Variants in GAS7 observed in about 807,000 individuals in gnomAD.
GAS7 encodes growth arrest specific 7.
A neutral mutation model predicts 71.1 loss-of-function variants in GAS7; 28 were observed. That is an observed-to-expected ratio of 0.39 (90% CI 0.29 to 0.54). GAS7 has a LOEUF of 0.54. Among genes scored for constraint, GAS7 ranks in the 20% least tolerant of loss-of-function variants. The pLI is 0.62. For missense variants in GAS7, 436 were observed against 627.8 expected (o/e 0.69, Z 3.27); for synonymous variants, 258 against 245.8 (o/e 1.05, Z -0.46).
chr17:9,928,163 A>C (rs2068080881), intron 9 of GAS7, among the ~76,000 whole-genome samples: 1 of 151,248 alleles, frequency 6.6e-6, no homozygotes, highest in South Asian at 2.1e-4. Context: ...CCCAGGCTGG[A>C]GTGCAGCGAC....
intron 2 of GAS7, among the ~76,000 whole-genome samples, chr17:9,988,927 C>T (rs1441947489): frequency 6.6e-6 from 1 of 150,912 alleles, no homozygotes; most frequent in Non-Finnish European, 1.5e-5. Flanking sequence ...CAGCTCACTG[C>T]AAGCTCCGCC....
intron 11 of GAS7, among the ~76,000 whole-genome samples, chr17:9,922,952 A>C (rs1377739842): frequency 6.6e-6 from 1 of 152,198 alleles, no homozygotes; most frequent in Admixed American, 6.5e-5. Flanking sequence ...TCTCTTGCCC[A>C]GGCTGGAGTG....
At chr17:9,927,285 C>CTACA (rs1216733548) in intron 9 of GAS7, among the ~76,000 whole-genome samples, 14 of 84,978 alleles carry the variant, frequency 1.6e-4, no homozygotes, top group African/African-American at 5.1e-4. Flanking sequence ...CCCATCTCTA[C>CTACA]TACATACACA....
At chr17:10,051,372 C>T (rs1164208357) in intron 1 of GAS7, among the ~76,000 whole-genome samples, 2 of 152,166 alleles carry the variant, frequency 1.3e-5, no homozygotes, top group East Asian at 3.8e-4. Context: ...ATAAACTGAG[C>T]TGACTGAAGG....
chr17:10,047,458 C>A (rs1043442530), intron 1 of GAS7, among the ~76,000 whole-genome samples: 1 of 152,084 alleles, frequency 6.6e-6, no homozygotes, highest in Non-Finnish European at 1.5e-5. Context: ...TAGTGACAGT[C>A]GATACTTTCT....
Position 9,915,702 on chromosome 17 carries a change from G to T in GAS7, c.*1526C>A. 1 of 230,146 alleles carries T rather than the reference G, an allele frequency of 4.3e-6. No individual in the cohort carries two copies. The highest frequency in any genetic ancestry group is 8.6e-6 in the Non-Finnish European group (1 of 116,076). The allele number at this position is 230,146 out of a possible 1,614,324, so 14.3% of individuals were successfully genotyped here. A position where few individuals can be genotyped will look rare whatever the true frequency, so the allele number is the denominator to read the frequency against. ...CAGTGAGTTGTGCTTGTTGAATTCT[G>T]CCCTCACTGCAGATGTGCAGGTCAA... On this transcript the variant is annotated 3_prime_UTR_variant, in exon 14 of 14. Coordinates refer to ENST00000432992, the MANE Select transcript of GAS7 (RefSeq NM_201433.2).
chr17:10,098,955 C>CA (rs1035746264), intron 1 of GAS7, among the ~76,000 whole-genome samples: 16 of 151,550 alleles, frequency 1.1e-4, no homozygotes, highest in Non-Finnish European at 2.2e-4. Context: ...GACTCCATCT[C>CA]AAAAAAAGAA....
chr17:10,196,652 A>G (rs949873980), intron 1 of GAS7, among the ~76,000 whole-genome samples: 1 of 152,160 alleles, frequency 6.6e-6, no homozygotes, highest in Admixed American at 6.5e-5. Flanking sequence ...CACAAAACAC[A>G]GCTGGCTCAG....
intron 4 of GAS7, among the ~76,000 whole-genome samples, chr17:9,967,825 G>A (rs2069784117): frequency 6.6e-6 from 1 of 152,234 alleles, no homozygotes; most frequent in South Asian, 2.1e-4. Flanking sequence ...ACATAAATCA[G>A]AACCCCTCAA....
At chr17:10,098,776 G>A (rs140111497) in intron 1 of GAS7, among the ~76,000 whole-genome samples, 7 of 152,222 alleles carry the variant, frequency 4.6e-5, no homozygotes, top group Non-Finnish European at 5.9e-5. Flanking sequence ...TGGCTAACAC[G>A]GTGAAGCCCT....
At chr17:9,957,494 A>G (rs537449853) in intron 5 of GAS7, among the ~76,000 whole-genome samples, 167 of 151,734 alleles carry the variant, frequency 1.1e-3, no homozygotes, top group African/African-American at 3.8e-3. Flanking sequence ...CTTTAAGGCA[A>G]CCCTCCACGA....
intron 1 of GAS7, among the ~76,000 whole-genome samples, chr17:10,053,394 G>T (rs1391071988): frequency 6.6e-6 from 1 of 152,202 alleles, no homozygotes. Context: ...ACAGCAGTCT[G>T]AGTTACCAAT....
chr17:9,981,005 AT>A lies in GAS7; in HGVS notation c.385+798del, dbSNP rs1358182161. 6.6e-6 allele frequency among the ~76,000 whole-genome samples: 1 copy of A among 152,194 alleles called. No homozygotes were observed. The highest frequency in any genetic ancestry group is 1.5e-5 in the Non-Finnish European group (1 of 68,040). On this transcript the variant is annotated intron_variant, in intron 3 of 13. Coordinates refer to ENST00000432992, the MANE Select transcript of GAS7 (RefSeq NM_201433.2). The surrounding 1 kb of genome is among the most constrained non-coding windows in gnomAD (Gnocchi z 4.4). The stretch of plus-strand genomic sequence containing the variant: ...CCTCCCACCTATTATAGGAATGTCC[AT>A]TTCAGCCAGGCGCGGTGGCTCACAC...
chr17:10,183,635 C>G (rs1244266038), intron 1 of GAS7, among the ~76,000 whole-genome samples: 1 of 152,118 alleles, frequency 6.6e-6, no homozygotes. Context: ...GTCAGGAGAT[C>G]GAGACCATCC....
chr17:10,195,441 A>G (rs1391817901), intron 1 of GAS7, among the ~76,000 whole-genome samples: 1 of 152,032 alleles, frequency 6.6e-6, no homozygotes, highest in African/African-American at 2.4e-5. Context: ...GTTTCCTAGT[A>G]TCACTCTTTC....
intron 2 of GAS7, 129 bp downstream of exon 2, chr17:10,019,648 C>T: frequency 1.2e-6 from 1 of 863,190 alleles, no homozygotes; most frequent in Non-Finnish European, 1.8e-6. Context: ...TTTACTGTAG[C>T]CCCTGAGCAT....
rs76752826 is a variant in GAS7 at position 10,061,976 on chromosome 17, C to A, written c.184-42079G>T. On this transcript the variant is annotated intron_variant, in intron 1 of 13. Coordinates refer to ENST00000432992, the MANE Select transcript of GAS7 (RefSeq NM_201433.2). ...CTAAACACTCAACAATGCACAGGAC[C>A]GCCGCCCACAACAAAACAACCATCC... is the stretch of plus-strand genomic sequence containing the variant. Among the ~76,000 whole-genome samples, 707 of 152,152 alleles carry A rather than the reference C, an allele frequency of 4.6e-3. 2 individuals are homozygous for A. Among genetic ancestry groups the A allele is most frequent in the African/African-American group, 0.016 (682 of 41,486 alleles).
At chr17:10,089,023 T>C (rs1439444095) in intron 1 of GAS7, among the ~76,000 whole-genome samples, 4 of 151,868 alleles carry the variant, frequency 2.6e-5, no homozygotes, top group Admixed American at 2.6e-4. Flanking sequence ...GAGCCAGGCA[T>C]GGTGGCAGGT....
At chr17:9,918,232 G>A (rs1191160929) in intron 12 of GAS7, 133 bp from the exon 13 acceptor site, 2 of 633,824 alleles carry the variant, frequency 3.2e-6, no homozygotes, top group African/African-American at 1.8e-5. Context: ...GTCTGATGAA[G>A]AGCGTGCCCC....
Sources: gnomAD v4.1 joint callset for allele counts (sites outside exome capture counted in the v4.1 genomes callset) on GRCh38, gnomAD v4.1.1 for gene constraint, Gnocchi (gnomAD v3.1) non-coding constraint, MANE v1.5 for transcripts, NCBI Gene and HGNC (gene_info 2026-07-23, HGNC 2026-07-21) for gene names.